Variants in GSDMC observed in about 807,000 individuals in gnomAD.
The protein encoded by GSDMC is gasdermin-C.
Under a neutral mutation model 58.0 loss-of-function variants are expected in GSDMC, and 59 were observed. The observed-to-expected ratio is 1.02, with a 90% CI of 0.82 to 1.26. The LOEUF is 1.26. Ranked by LOEUF, GSDMC falls within the 50% of genes most tolerant of loss-of-function variation. The pLI is 0.00. For synonymous variants in GSDMC, 241 were observed against 220.2 expected (o/e 1.09, Z -0.83); for missense variants, 659 against 598.5 (o/e 1.10, Z -1.06).
the GSDMC span, among the ~76,000 whole-genome samples, chr8:129,742,996 C>T: frequency 5.0e-3 from 764 of 152,152 alleles, 3 homozygotes; most frequent in Middle Eastern, 0.01. Context: ...ACCTTTCTTT[C>T]TCTGAATGCA....
At chr8:129,711,983 A>C in the GSDMC span, among the ~76,000 whole-genome samples, 13 of 152,216 alleles carry the variant, frequency 8.5e-5, no homozygotes, top group Non-Finnish European at 1.2e-4. Context: ...AGGGCCTGGC[A>C]TGATGGCACA....
At chr8:129,750,602 T>G (rs1253471866) in intron 10 of GSDMC, 32 bp from the exon 11 acceptor site, 1 of 1,607,828 alleles carries the variant, frequency 6.2e-7, no homozygotes, top group East Asian at 2.2e-5. Context: ...GACCAGAAAG[T>G]GGGGACAAGT....
chr8:129,720,618 T>C, the GSDMC span, among the ~76,000 whole-genome samples: 2 of 152,208 alleles, frequency 1.3e-5, no homozygotes, highest in African/African-American at 4.8e-5. Context: ...AGTATCTACA[T>C]TTGCAATAAT....
intron 5 of GSDMC, among the ~76,000 whole-genome samples, chr8:129,761,152 C>G (rs1330973532): frequency 1.3e-5 from 2 of 152,178 alleles, no homozygotes; most frequent in Non-Finnish European, 2.9e-5. Context: ...TCAGACGCCT[C>G]ACTGTAAAAT....
the GSDMC span, among the ~76,000 whole-genome samples, chr8:129,720,786 T>C: frequency 6.6e-6 from 1 of 152,318 alleles, no homozygotes; most frequent in Non-Finnish European, 1.5e-5. Flanking sequence ...ACAACAAATC[T>C]TAGTGGGAAA....
chr8:129,746,165 CAT>C (rs1170955782), downstream of GSDMC, among the ~76,000 whole-genome samples: 8 of 152,030 alleles, frequency 5.3e-5, no homozygotes, highest in Non-Finnish European at 8.8e-5. Context: ...AGGTAGAAAA[CAT>C]AGCTCAAGAA....
chr8:129,771,156 CATAA>C (rs1439610791), intron 3 of GSDMC, among the ~76,000 whole-genome samples: 8 of 151,244 alleles, frequency 5.3e-5, no homozygotes, highest in African/African-American at 1.9e-4. Context: ...CATCAGAGCA[CATAA>C]ATATATAAAT....
At chr8:129,710,738 T>C in the GSDMC span, among the ~76,000 whole-genome samples, 3 of 152,220 alleles carry the variant, frequency 2.0e-5, no homozygotes, top group African/African-American at 7.2e-5. Flanking sequence ...ATGCTTCTGT[T>C]GCTTATTACC....
downstream of GSDMC, among the ~76,000 whole-genome samples, chr8:129,747,656 T>C (rs1014437953): frequency 6.6e-6 from 1 of 152,160 alleles, no homozygotes; most frequent in African/African-American, 2.4e-5. Flanking sequence ...TTATTCCCCA[T>C]GCCTGCTGTG....
At chr8:129,756,370 T>C (rs2033435314) in intron 6 of GSDMC, among the ~76,000 whole-genome samples, 1 of 151,968 alleles carries the variant, frequency 6.6e-6, no homozygotes, top group Non-Finnish European at 1.5e-5. Flanking sequence ...GCAAATATTA[T>C]TAGAGCTAAA....
intron 5 of GSDMC, among the ~76,000 whole-genome samples, chr8:129,761,197 GA>G (rs1285241046): frequency 6.6e-6 from 1 of 152,132 alleles, no homozygotes; most frequent in Non-Finnish European, 1.5e-5. Context: ...CTGATGCAAG[GA>G]GTGGAGATAC....
chr8:129,785,570 T>C (rs983951647), intron 1 of GSDMC, among the ~76,000 whole-genome samples: 1 of 151,760 alleles, frequency 6.6e-6, no homozygotes, highest in Non-Finnish European at 1.5e-5. Flanking sequence ...TTGTTACAAT[T>C]AAGAGTATAA....
chr8:129,727,465 T>C, the GSDMC span, among the ~76,000 whole-genome samples: 3 of 152,122 alleles, frequency 2.0e-5, no homozygotes, highest in African/African-American at 7.2e-5. Flanking sequence ...GAAGCCCCAG[T>C]ACGTGAGAGA....
the GSDMC span, among the ~76,000 whole-genome samples, chr8:129,731,964 C>T: frequency 6.6e-6 from 1 of 152,160 alleles, no homozygotes; most frequent in Non-Finnish European, 1.5e-5. Flanking sequence ...TCTACCACCA[C>T]CTACTGACAA....
chr8:129,777,584 G>C lies in GSDMC; in HGVS notation c.4C>G (p.Pro2Ala), dbSNP rs762258169. Residue 2 changes from proline (P) to alanine (A), a missense_variant, in exon 2 of 14, where the codon CCC becomes GCC. By Grantham distance (27) the Pro-to-Ala change is conservative. Transcript: ENST00000276708. ...TTGCTAATGCGTTCCAACATGGAGG[G>C]CATGTTGCTAGGAGGAGATGAAAGG... is the stretch of plus-strand genomic sequence containing the variant. M[P>A]SMLERISKNL... 6.4e-6 allele frequency: 10 copies of C among 1,572,300 alleles called. No individual in the cohort carries two copies. In the South Asian group the frequency reaches 1.1e-4, roughly 17 times the overall value.
chr8:129,748,267 A>G lies in GSDMC; in HGVS notation c.*234T>C. On this transcript the variant is annotated 3_prime_UTR_variant, in exon 14 of 14. Transcript: ENST00000276708. ...AGTGAAACGCTTACGTCTTTAACATACTATTTGAGGAGTTTTGACAAATAT... is the reference window on the plus strand; with the variant it reads ...AGTGAAACGCTTACGTCTTTAACATGCTATTTGAGGAGTTTTGACAAATAT... 1 of 371,252 alleles carries G rather than the reference A, an allele frequency of 2.7e-6. No homozygotes were observed. The highest frequency in any genetic ancestry group is 4.8e-6 in the Non-Finnish European group (1 of 208,630). 23.0% of individuals were successfully genotyped at this position (371,252 alleles called of 1,614,324 possible).
chr8:129,737,896 T>C, the GSDMC span, among the ~76,000 whole-genome samples: 5 of 152,038 alleles, frequency 3.3e-5, no homozygotes, highest in Non-Finnish European at 7.4e-5. Context: ...TGGGAGAAAG[T>C]TTTTGCAATC....
intron 6 of GSDMC, among the ~76,000 whole-genome samples, chr8:129,758,791 C>T (rs896488351): frequency 4.6e-5 from 7 of 151,984 alleles, no homozygotes; most frequent in Admixed American, 1.3e-4. Context: ...CTATACTCCC[C>T]AAAGCAATCT....
At chr8:129,756,031 C>T (rs975422789) in intron 6 of GSDMC, among the ~76,000 whole-genome samples, 15 of 151,018 alleles carry the variant, frequency 9.9e-5, no homozygotes, top group African/African-American at 2.7e-4. Context: ...ATGGGCTAAA[C>T]TCATCAATCA....
Sources: gnomAD v4.1 joint callset for allele counts (sites outside exome capture counted in the v4.1 genomes callset) on GRCh38, gnomAD v4.1.1 for gene constraint, MANE v1.5 for transcripts, NCBI Gene and HGNC (gene_info 2026-07-23, HGNC 2026-07-21) for gene names.